Variants in KRT72 observed in about 807,000 individuals in gnomAD.
KRT72 encodes keratin, type II cytoskeletal 72.
In KRT72, 44 loss-of-function variants were observed where a neutral mutation model predicts 44.7. The observed-to-expected ratio is 0.98, with a 90% CI of 0.77 to 1.27. The LOEUF is 1.27. Among genes scored for constraint, KRT72 ranks in the 50% most tolerant of loss-of-function variants. KRT72 has a pLI of 0.00. For missense variants in KRT72, 736 were observed against 667.1 expected, an observed-to-expected ratio of 1.10 and a Z score of -1.14; for synonymous variants, 302 against 280.4, an observed-to-expected ratio of 1.08 and a Z score of -0.77.
chr12:52,598,452 A>G (rs1476340732), intron 2 of KRT72, among the ~76,000 whole-genome samples: 2 of 152,206 alleles, frequency 1.3e-5, no homozygotes, highest in East Asian at 3.8e-4. Flanking sequence ...CTCATTCTCA[A>G]TCATCCTCAA....
chr12:52,598,739 G>A (rs11614566), intron 2 of KRT72, among the ~76,000 whole-genome samples, 159 bp downstream of exon 2: 28,049 of 152,022 alleles, frequency 0.18, 2,755 homozygotes, highest in Non-Finnish European at 0.23. Flanking sequence ...TTGGAGAACC[G>A]GTGTAGGTAG....
intron 6 of KRT72, among the ~76,000 whole-genome samples, chr12:52,588,536 T>TA (rs996084355): frequency 1.9e-4 from 29 of 151,802 alleles, no homozygotes; most frequent in Admixed American, 8.5e-4. Flanking sequence ...GAAAAATAGC[T>TA]AAAAAAAATA....
At chr12:52,595,639 A>C (rs1196351453) in intron 2 of KRT72, among the ~76,000 whole-genome samples, 1 of 152,246 alleles carries the variant, frequency 6.6e-6, no homozygotes, top group Non-Finnish European at 1.5e-5. Flanking sequence ...AAAATGTGCC[A>C]GTGTGTGTAT....
chr12:52,599,592 T>C (rs755768047), intron 1 of KRT72, among the ~76,000 whole-genome samples: 2 of 152,156 alleles, frequency 1.3e-5, no homozygotes, highest in Non-Finnish European at 2.9e-5. Context: ...TTGACCAGGG[T>C]GCACATTTTT....
upstream of KRT72, among the ~76,000 whole-genome samples, chr12:52,602,633 G>A (rs576616842): frequency 7.9e-5 from 12 of 152,260 alleles, no homozygotes; most frequent in South Asian, 1.9e-3. Context: ...GATTGACAGG[G>A]CCCCCTGGAT....
Position 52,586,991 on chromosome 12 carries a change from A to G in KRT72, c.1311-11T>C. 1 of 1,613,578 alleles carries G rather than the reference A, an allele frequency of 6.2e-7. No individual in the cohort carries two copies. Among genetic ancestry groups the G allele is most frequent in the Non-Finnish European group, 8.5e-7 (1 of 1,179,496 alleles). ...TATTCGCCAGACATCCTGAAGAAGG[A>G]GAAGAAAAACAGGTAAATCCCCCAT... is the stretch of plus-strand genomic sequence containing the variant. On this transcript the variant is annotated splice_polypyrimidine_tract_variant and intron_variant, in intron 7 of 8. Coordinates refer to ENST00000293745, the MANE Select transcript of KRT72 (RefSeq NM_080747.3).
At chr12:52,588,267 A>G (rs2120722844) in intron 6 of KRT72, among the ~76,000 whole-genome samples, 1 of 152,366 alleles carries the variant, frequency 6.6e-6, no homozygotes, top group Non-Finnish European at 1.5e-5. Context: ...CATGGGGAAA[A>G]CATGAGGGCT....
At chr12:52,600,983 C>T (rs1940418060) in intron 1 of KRT72, 44 bp downstream of exon 1, 1 of 1,598,600 alleles carries the variant, frequency 6.3e-7, no homozygotes, top group Non-Finnish European at 8.5e-7. Context: ...CACCACTGTG[C>T]ACATGCGCCC....
chr12:52,592,589 C>G, intron 3 of KRT72, 98 bp from the exon 4 acceptor site: 1 of 897,422 alleles, frequency 1.1e-6, no homozygotes, highest in East Asian at 2.5e-5. Flanking sequence ...CTCCCTTCAC[C>G]CTGTGCTTCA....
chr12:52,600,745 T>C (rs946268998), intron 1 of KRT72, among the ~76,000 whole-genome samples: 12 of 151,630 alleles, frequency 7.9e-5, no homozygotes, highest in Non-Finnish European at 1.6e-4. Flanking sequence ...TTTTTCCCAG[T>C]CTCGGGTATG....
At chr12:52,594,096 C>A (rs1309875070) in intron 2 of KRT72, among the ~76,000 whole-genome samples, 1 of 152,158 alleles carries the variant, frequency 6.6e-6, no homozygotes, top group Non-Finnish European at 1.5e-5. Context: ...TAGATAGTAG[C>A]TTTTTTATTC....
chr12:52,601,990 T>C (rs1940484705), upstream of KRT72, among the ~76,000 whole-genome samples: 1 of 152,172 alleles, frequency 6.6e-6, no homozygotes, highest in South Asian at 2.1e-4. Flanking sequence ...CTGTCCCTTG[T>C]GCAAGAAGGA....
intron 3 of KRT72, 68 bp downstream of exon 3, chr12:52,592,824 C>T: frequency 7.0e-7 from 1 of 1,418,756 alleles, no homozygotes; most frequent in Non-Finnish European, 9.9e-7. Context: ...CTTTCCTCAC[C>T]CTACAAGCAT....
At chr12:52,591,662 G>C in intron 4 of KRT72, 34 bp from the exon 5 acceptor site, 2 of 1,576,886 alleles carry the variant, frequency 1.3e-6, no homozygotes, top group South Asian at 2.3e-5. Context: ...GCTAGTTAAG[G>C]GGTACTCATG....
rs191780767 is a variant in KRT72, at chr12:52,591,315, C to T, written c.963+149G>A. The T allele has an allele frequency of 7.2e-6, 6 of 831,294 alleles. No individual in the cohort carries two copies. In the Admixed American group the frequency reaches 1.7e-4, roughly 23 times the overall value. 51.5% of individuals were successfully genotyped at this position (831,294 alleles called of 1,614,324 possible). A position where few individuals can be genotyped will look rare whatever the true frequency, so the allele number is the denominator to read the frequency against. On this transcript the variant is annotated intron_variant, in intron 5 of 8. Transcript: ENST00000293745. ...CCTTACCCCTGGGGTGGCATTTCCGCAAGGCCCAACTTCAAGACAAAGGAG... is the reference window on the plus strand; with the variant it reads ...CCTTACCCCTGGGGTGGCATTTCCGTAAGGCCCAACTTCAAGACAAAGGAG...
chr12:52,590,916 T>G lies in KRT72; in HGVS notation c.1009A>C (p.Lys337Gln). Residue 337 changes from lysine to glutamine, a missense_variant, in exon 6 of 9, where the codon AAG becomes CAG. Physicochemically the swap from Lys to Gln is moderately conservative, Grantham distance 53 (BLOSUM62 1). Transcript: ENST00000293745. Reference sequence around the variant, plus strand: ...TCAGAGATTTCAGCCTTGGTGAGCTTGAGGTCATCCCCATGCTGGCCTGCT... The same window carrying G: ...TCAGAGATTTCAGCCTTGGTGAGCTGGAGGTCATCCCCATGCTGGCCTGCT... The part of the protein sequence containing the change: ...VTAGQHGDDL[K>Q]LTKAEISELN... The G allele has an allele frequency of 6.2e-7, 1 of 1,608,322 alleles. No individual in the cohort carries two copies. Among genetic ancestry groups the G allele is most frequent in the Non-Finnish European group, 8.5e-7 (1 of 1,175,794 alleles).
chr12:52,600,281 C>T (rs1940376703), intron 1 of KRT72, among the ~76,000 whole-genome samples: 1 of 152,180 alleles, frequency 6.6e-6, no homozygotes, highest in Non-Finnish European at 1.5e-5. Context: ...CCTGCAACGT[C>T]TCTTGGCCTC....
In KRT72 at chr12:52,590,851, C is replaced by T. The variant is rs1939979590; in HGVS notation, c.1074G>A (p.Gly358=). The change falls in exon 6 of 9, where the codon GGG becomes GGA. Residue 358 remains glycine, a synonymous_variant. Transcript: ENST00000293745. ...TAGAACCCACCTGCTTCTTCACATTCCCTATCTCTGAGCGGATCCTCTGGA... is the reference window on the plus strand; with the variant it reads ...TAGAACCCACCTGCTTCTTCACATTTCCTATCTCTGAGCGGATCCTCTGGA... ...RLIQRIRSEI[G]NVKKQCADLE... is the part of the protein sequence containing the mutation. 2.5e-6 allele frequency: 4 copies of T among 1,584,348 alleles called. No homozygotes were observed. The highest frequency in any genetic ancestry group is 2.6e-6 in the Non-Finnish European group (3 of 1,158,966).
intron 2 of KRT72, among the ~76,000 whole-genome samples, chr12:52,594,730 C>T (rs1940176369): frequency 6.6e-6 from 1 of 152,082 alleles, no homozygotes. Flanking sequence ...TGCAAATGTA[C>T]CCTAGAACTT....
Sources: allele counts gnomAD v4.1 joint callset (sites outside exome capture counted in the v4.1 genomes callset), GRCh38; gene constraint gnomAD v4.1.1; transcripts MANE v1.5; gene names NCBI Gene and HGNC (gene_info 2026-07-23, HGNC 2026-07-21).